Variants in DLGAP1 observed in about 807,000 individuals in gnomAD.
DLGAP1 encodes the protein disks large-associated protein 1.
DLGAP1 carries 11 observed loss-of-function variants against 90.8 expected under a neutral mutation model. The ratio of observed to expected loss-of-function variants is 0.12; its 90% CI spans 0.08 to 0.20. DLGAP1 has a LOEUF of 0.20. Among genes scored for constraint, DLGAP1 ranks in the 10% least tolerant of loss-of-function variants. The pLI is 1.00. For synonymous variants in DLGAP1, 558 were observed against 540.7 expected, an observed-to-expected ratio of 1.03 and a Z score of -0.44; for missense variants, 1,050 against 1,333.8, an observed-to-expected ratio of 0.79 and a Z score of 3.31.
chr18:4,085,488 A>G (rs1441888319), intron 2 of DLGAP1, among the ~76,000 whole-genome samples: 1 of 152,218 alleles, frequency 6.6e-6, no homozygotes, highest in Non-Finnish European at 1.5e-5. Context: ...CATTTTGGGC[A>G]AGACTAAGTT....
At chr18:3,955,265 T>C (rs892223643) in intron 3 of DLGAP1, among the ~76,000 whole-genome samples, 6 of 152,180 alleles carry the variant, frequency 3.9e-5, no homozygotes, top group African/African-American at 1.4e-4. Context: ...CGGACTTGTC[T>C]AACAAATCAT....
intron 2 of DLGAP1, among the ~76,000 whole-genome samples, chr18:4,102,280 G>A (rs1018378492): frequency 2.6e-5 from 4 of 152,210 alleles, no homozygotes; most frequent in Middle Eastern, 3.4e-3. Context: ...TTTGAGAAAC[G>A]ATTTTTGTCT....
At chr18:3,908,815 A>G (rs2148892304) in intron 3 of DLGAP1, among the ~76,000 whole-genome samples, 1 of 152,370 alleles carries the variant, frequency 6.6e-6, no homozygotes, top group Non-Finnish European at 1.5e-5. Context: ...TGTTTGAAGT[A>G]TCATGCCAGG....
intron 4 of DLGAP1, among the ~76,000 whole-genome samples, chr18:3,840,823 G>A (rs1598960992): frequency 6.7e-6 from 1 of 150,116 alleles, no homozygotes; most frequent in Non-Finnish European, 1.5e-5. Flanking sequence ...AGACAGAGAA[G>A]TGGTAGAAAG....
chr18:4,367,997 A>G (rs1004050401), intron 1 of DLGAP1, among the ~76,000 whole-genome samples: 3 of 152,168 alleles, frequency 2.0e-5, no homozygotes, highest in African/African-American at 4.8e-5. Context: ...TTTCATTTGT[A>G]TAAGGAAGCA....
chr18:3,675,129 T>G (rs1020961877), intron 7 of DLGAP1, among the ~76,000 whole-genome samples: 34 of 152,200 alleles, frequency 2.2e-4, no homozygotes, highest in African/African-American at 8.0e-4. Flanking sequence ...TGGAGTGCAG[T>G]GGTGCGATCT....
chr18:4,240,858 T>C (rs1337136842), intron 1 of DLGAP1, among the ~76,000 whole-genome samples: 1 of 152,184 alleles, frequency 6.6e-6, no homozygotes, highest in South Asian at 2.1e-4. Context: ...TTCCATGTGG[T>C]TACTATGCAA....
intron 1 of DLGAP1, among the ~76,000 whole-genome samples, chr18:4,379,840 T>C (rs533210319): frequency 2.0e-5 from 3 of 152,274 alleles, no homozygotes. Context: ...ATATAAGGCA[T>C]TGAGATCTAA....
intron 3 of DLGAP1, among the ~76,000 whole-genome samples, chr18:3,982,495 C>T (rs983521697): frequency 6.6e-6 from 1 of 152,100 alleles, no homozygotes; most frequent in Non-Finnish European, 1.5e-5. Flanking sequence ...GCTTTTGGAG[C>T]AGGACAGACA....
intron 1 of DLGAP1, among the ~76,000 whole-genome samples, chr18:4,453,491 A>G (rs545142772): frequency 6.6e-6 from 1 of 152,302 alleles, no homozygotes; most frequent in East Asian, 1.9e-4. Context: ...AGGCCAATAG[A>G]AAGTCGTTTC....
intron 1 of DLGAP1, among the ~76,000 whole-genome samples, chr18:4,218,515 A>T (rs1022402316): frequency 6.6e-6 from 1 of 151,996 alleles, no homozygotes; most frequent in African/African-American, 2.4e-5. Flanking sequence ...TATATAATAC[A>T]TTATTATTGA....
In DLGAP1 at chr18:3,857,954, C is replaced by A. The variant is rs540858519; in HGVS notation, c.957+21158G>T. Among the ~76,000 whole-genome samples, 20 of 152,180 alleles carry A rather than the reference C, an allele frequency of 1.3e-4. 2 individuals are homozygous for A. Among genetic ancestry groups the A allele is most frequent in the African/African-American group, 4.6e-4 (19 of 41,462 alleles). ...GTAGAAAGGTGTGTTTACTTCTCTC[C>A]ATCTTTATTGCTTCAATCCTATTCC... On this transcript the variant is annotated intron_variant, in intron 4 of 12. Transcript: ENST00000315677.
intron 7 of DLGAP1, among the ~76,000 whole-genome samples, chr18:3,687,181 C>T (rs1046614437): frequency 3.9e-5 from 6 of 152,198 alleles, no homozygotes; most frequent in African/African-American, 1.4e-4. Context: ...TCTGACATTT[C>T]AGAATTCCAA....
chr18:3,961,645 C>T (rs2073200590), intron 3 of DLGAP1, among the ~76,000 whole-genome samples: 1 of 152,150 alleles, frequency 6.6e-6, no homozygotes, highest in African/African-American at 2.4e-5. Flanking sequence ...ATCCTTCATC[C>T]AAGGAGGGCA....
At chr18:3,897,337 G>A (rs1476012016) in intron 3 of DLGAP1, among the ~76,000 whole-genome samples, 2 of 152,156 alleles carry the variant, frequency 1.3e-5, no homozygotes, top group East Asian at 3.8e-4. Context: ...ATATAGAAGG[G>A]AGCCAATGCA....
chr18:4,354,566 G>C (rs574362264), intron 1 of DLGAP1, among the ~76,000 whole-genome samples: 2 of 151,962 alleles, frequency 1.3e-5, no homozygotes, highest in African/African-American at 4.8e-5. Flanking sequence ...CCCATGTCAC[G>C]CAAACCTTTG....
At chr18:3,908,718 A>G (rs563815663) in intron 3 of DLGAP1, among the ~76,000 whole-genome samples, 4 of 152,336 alleles carry the variant, frequency 2.6e-5, no homozygotes, top group East Asian at 3.9e-4. Context: ...CTTAAACATG[A>G]TAAGATTAGC....
intron 3 of DLGAP1, among the ~76,000 whole-genome samples, chr18:3,929,592 T>C (rs571540879): frequency 2.0e-5 from 3 of 152,318 alleles, no homozygotes; most frequent in South Asian, 4.1e-4. Flanking sequence ...CTGGGGCCAT[T>C]GTGCAGAGTT....
In DLGAP1 at chr18:4,383,350, C is replaced by T. The variant is rs1054768445; in HGVS notation, c.-267+71656G>A. 1.3e-5 allele frequency among the ~76,000 whole-genome samples: 2 copies of T among 152,168 alleles called. No individual in the cohort carries two copies. Among genetic ancestry groups the T allele is most frequent in the African/African-American group, 2.4e-5 (1 of 41,554 alleles). ...GTACTTAAACTCAAAATATTTAGTA[C>T]ATTAATGGGATTTTCATGGTTTTCA... On this transcript the variant is annotated intron_variant, in intron 1 of 12. Coordinates refer to ENST00000315677, the MANE Select transcript of DLGAP1 (RefSeq NM_004746.4). This position sits in a 1 kb window ranked among gnomAD's most constrained non-coding sequence, Gnocchi z 4.0.
Sources: gnomAD v4.1 joint callset for allele counts (sites outside exome capture counted in the v4.1 genomes callset) on GRCh38, gnomAD v4.1.1 for gene constraint, Gnocchi (gnomAD v3.1) non-coding constraint, MANE v1.5 for transcripts, NCBI Gene and HGNC (gene_info 2026-07-23, HGNC 2026-07-21) for gene names.